PCDH15: variants seen among roughly 807,000 people sequenced by gnomAD.
PCDH15 encodes protocadherin related 15, also known as protocadherin-15.
A neutral mutation model predicts 178.5 loss-of-function variants in PCDH15; 129 were observed. The ratio of observed to expected loss-of-function variants is 0.72; its 90% CI spans 0.63 to 0.84. The LOEUF (loss-of-function observed/expected upper bound fraction) is 0.84, where lower values mean the gene tolerates loss of function less well. Ranked by LOEUF, PCDH15 falls within the 40% of genes least tolerant of loss-of-function variation. The pLI, the probability that PCDH15 is intolerant of heterozygous loss-of-function variation, is 0.00. For synonymous variants in PCDH15, 800 were observed against 732.0 expected (o/e 1.09, Z -1.50); for missense variants, 2,230 against 2,099.9 (o/e 1.06, Z -1.21).
intron 2 of PCDH15, among the ~76,000 whole-genome samples, chr10:55,053,037 A>G (rs1841205117): frequency 6.6e-6 from 1 of 152,216 alleles, no homozygotes; most frequent in African/African-American, 2.4e-5. Context: ...AAGGAACCTC[A>G]TCTCTAAACG....
chr10:54,210,704 GCGGT>G (rs2051334828), intron 10 of PCDH15, among the ~76,000 whole-genome samples: 2 of 151,944 alleles, frequency 1.3e-5, no homozygotes, highest in African/African-American at 4.8e-5. Context: ...GGCACTGGAA[GCGGT>G]TTAGTATGTT....
chr10:53,866,791 C>G lies in PCDH15; in HGVS notation c.3568G>C (p.Glu1190Gln), dbSNP rs1328349118. Residue 1190 changes from glutamate (E) to glutamine (Q), a missense_variant, in exon 27 of 38, where the codon GAG (glutamate) becomes CAG (glutamine). Transcript: ENST00000644397. Reference sequence around the variant, plus strand: ...TCCACTACAAATCCTTCTTTTCCCTCTTTAATTGGTGGTATTATGAGTCTG... The same window carrying G: ...TCCACTACAAATCCTTCTTTTCCCTGTTTAATTGGTGGTATTATGAGTCTG... ...AYRLIIPPIK[E>Q]GKEGFVVETY... 1 of 1,613,370 alleles carries G rather than the reference C, an allele frequency of 6.2e-7. No homozygotes were observed. Among genetic ancestry groups the G allele is most frequent in the Admixed American group, 1.7e-5 (1 of 59,962 alleles).
chr10:53,851,365 G>A (rs2078345099), intron 28 of PCDH15, among the ~76,000 whole-genome samples: 1 of 151,698 alleles, frequency 6.6e-6, no homozygotes, highest in South Asian at 2.1e-4. Context: ...CTCCATGGCA[G>A]CAGGGACTTC....
intron 13 of PCDH15, 43 bp from the exon 14 acceptor site, chr10:54,153,336 T>A (rs781496128): frequency 8.4e-5 from 135 of 1,604,204 alleles, no homozygotes; most frequent in Non-Finnish European, 1.1e-4. Flanking sequence ...GGGTCTCAAC[T>A]TTTCACCACC....
At chr10:55,230,758 G>A (rs139600099) in intron 1 of PCDH15, among the ~76,000 whole-genome samples, 118 of 152,084 alleles carry the variant, frequency 7.8e-4, no homozygotes, top group African/African-American at 2.6e-3. Context: ...GTGGCTGGAA[G>A]TAACTGTAAT....
intron 15 of PCDH15, among the ~76,000 whole-genome samples, chr10:54,112,111 T>C (rs979578140): frequency 8.6e-5 from 13 of 151,684 alleles, no homozygotes; most frequent in Non-Finnish European, 1.8e-4. Context: ...GCTACTGCAC[T>C]CCACTGAGTG....
chr10:54,129,014 G>A (rs1234963594), intron 15 of PCDH15, among the ~76,000 whole-genome samples: 1 of 152,136 alleles, frequency 6.6e-6, no homozygotes, highest in Non-Finnish European at 1.5e-5. Flanking sequence ...AGAATGTGAT[G>A]TAATGGATAG....
intron 3 of PCDH15, among the ~76,000 whole-genome samples, chr10:54,886,530 G>A (rs10763152): frequency 0.56 from 84,749 of 152,100 alleles, 23,770 homozygotes; most frequent in East Asian, 0.64. Context: ...GGGAGGCCAA[G>A]GGGCGCAGAT....
At chr10:54,509,989 C>A (rs2081504105) in intron 3 of PCDH15, among the ~76,000 whole-genome samples, 1 of 152,144 alleles carries the variant, frequency 6.6e-6, no homozygotes, top group Admixed American at 6.6e-5. Flanking sequence ...GATGTAAAAA[C>A]TTTTCCAAAA....
At chr10:55,333,161 T>C (rs936000116) in intron 2 of PCDH15, among the ~76,000 whole-genome samples, 3 of 152,140 alleles carry the variant, frequency 2.0e-5, no homozygotes, top group African/African-American at 7.2e-5. Context: ...AATTATAACT[T>C]TAACATCATA....
intron 2 of PCDH15, among the ~76,000 whole-genome samples, chr10:54,933,104 C>G (rs1423072710): frequency 3.9e-5 from 6 of 152,158 alleles, no homozygotes; most frequent in Non-Finnish European, 8.8e-5. Context: ...GGTTTATAGA[C>G]TATGAGCAAT....
chr10:55,463,344 G>A (rs550219775), intron 2 of PCDH15, among the ~76,000 whole-genome samples: 2 of 152,080 alleles, frequency 1.3e-5, no homozygotes, highest in African/African-American at 2.4e-5. Context: ...TCTAGCCTAT[G>A]AGGCATAACA....
intron 23 of PCDH15, among the ~76,000 whole-genome samples, chr10:53,945,654 G>C (rs1316733393): frequency 1.3e-5 from 2 of 151,382 alleles, no homozygotes; most frequent in African/African-American, 4.9e-5. Flanking sequence ...AGCTTTATTA[G>C]ATCACTATTA....
chr10:55,582,618 A>ATTTTTTTTT (rs1182758362), intron 2 of PCDH15, among the ~76,000 whole-genome samples: 1 of 88,178 alleles, frequency 1.1e-5, no homozygotes, highest in African/African-American at 5.7e-5. Flanking sequence ...ATATATATAT[A>ATTTTTTTTT]TATATATATA....
In PCDH15 at chr10:55,039,465, G is replaced by A. The variant is rs532847202; in HGVS notation, c.-80+127111C>T. Among the ~76,000 whole-genome samples, 3 of 152,196 alleles carry A rather than the reference G, an allele frequency of 2.0e-5. No homozygotes were observed. The South Asian group carries it at 6.2e-4, about 32-fold the overall frequency. On this transcript the variant is annotated intron_variant, in intron 2 of 5. Coordinates refer to the PCDH15 transcript ENST00000458638. ...AGTAGTTAGGCATATAAAAAGGAGA[G>A]TGGTGAGAATTCTAAGAATCTTCCT...
chr10:54,073,867 C>T (rs1178510870), intron 17 of PCDH15, among the ~76,000 whole-genome samples: 1 of 152,186 alleles, frequency 6.6e-6, no homozygotes, highest in Non-Finnish European at 1.5e-5. Context: ...GGTTGATTAA[C>T]ACAGCTGCAA....
intron 3 of PCDH15, among the ~76,000 whole-genome samples, chr10:54,870,178 A>C (rs1279237878): frequency 6.6e-6 from 1 of 152,196 alleles, no homozygotes; most frequent in East Asian, 1.9e-4. Context: ...CTCTTCAGTG[A>C]CCATCAGAGC....
intron 18 of PCDH15, among the ~76,000 whole-genome samples, chr10:54,025,624 G>A (rs1025081836): frequency 1.3e-5 from 2 of 151,580 alleles, no homozygotes; most frequent in Admixed American, 6.6e-5. Context: ...TCAGCCTCCT[G>A]AGTAGCTGGG....
chr10:54,003,162 C>G (rs1171051376), intron 20 of PCDH15, among the ~76,000 whole-genome samples: 1 of 152,024 alleles, frequency 6.6e-6, no homozygotes, highest in African/African-American at 2.4e-5. Flanking sequence ...AAAAAAACTT[C>G]AACTAAACAA....
Sources: gnomAD v4.1 joint callset for allele counts (sites outside exome capture counted in the v4.1 genomes callset) on GRCh38, gnomAD v4.1.1 for gene constraint, MANE v1.5 for transcripts, NCBI Gene and HGNC (gene_info 2026-07-23, HGNC 2026-07-21) for gene names.